Variants in RIMBP2 observed in about 807,000 individuals in gnomAD.
The protein encoded by RIMBP2 is RIMS binding protein 2, also known as RIMS-binding protein 2.
RIMBP2 carries 48 observed loss-of-function variants against 118.6 expected under a neutral mutation model. The observed-to-expected ratio is 0.40, with a 90% CI of 0.32 to 0.51. RIMBP2 has a LOEUF of 0.51. Among genes scored for constraint, RIMBP2 ranks in the 20% least tolerant of loss-of-function variants. RIMBP2 has a pLI of 0.41. For missense variants in RIMBP2, 1,551 were observed against 1,768.3 expected (o/e 0.88, Z 2.20); for synonymous variants, 762 against 742.9 (o/e 1.03, Z -0.42).
chr12:130,550,362 A>G lies in RIMBP2; in HGVS notation c.-216-32445T>C, dbSNP rs552354928. Among the ~76,000 whole-genome samples the G allele has an allele frequency of 2.3e-4, 35 of 152,360 alleles. 1 individual carries two copies. In the South Asian group the frequency reaches 6.8e-3, roughly 30 times the overall value. On this transcript the variant is annotated intron_variant, in intron 2 of 22. Transcript: ENST00000690449. ...AAAGCTTTCTCCTGAAAACATAAAG[A>G]CAGCCCAGGAACATTTTTATTTGAA...
intron 17 of RIMBP2, among the ~76,000 whole-genome samples, chr12:130,417,307 T>C (rs1474094611): frequency 6.6e-6 from 1 of 152,192 alleles, no homozygotes; most frequent in Non-Finnish European, 1.5e-5. Flanking sequence ...ATCGCAGCAC[T>C]GTTCACAATA....
At chr12:130,601,142 T>G (rs1203854324) in intron 2 of RIMBP2, among the ~76,000 whole-genome samples, 1 of 151,988 alleles carries the variant, frequency 6.6e-6, no homozygotes, top group Non-Finnish European at 1.5e-5. Flanking sequence ...TGGTTAACAC[T>G]CTTACTGACA....
chr12:130,576,719 G>A lies in RIMBP2; in HGVS notation c.-217+51603C>T, dbSNP rs1297725671. On this transcript the variant is annotated intron_variant, in intron 2 of 22. Coordinates refer to ENST00000690449, the MANE Select transcript of RIMBP2 (RefSeq NM_001393629.1). This position sits in a 1 kb window ranked among gnomAD's most constrained non-coding sequence, Gnocchi z 4.2. The stretch of plus-strand genomic sequence containing the variant: ...AAACTGCCAGCAGCAGCGAGGAGGA[G>A]CCCCGCCGAGCGCCGAGAGGCATAT... 1.3e-5 allele frequency among the ~76,000 whole-genome samples: 2 copies of A among 152,200 alleles called. No individual in the cohort carries two copies. The highest frequency in any genetic ancestry group is 2.4e-5 in the African/African-American group (1 of 41,468).
At chr12:130,405,786 T>TG (rs3047793) in intron 21 of RIMBP2, among the ~76,000 whole-genome samples, 6 of 151,862 alleles carry the variant, frequency 4.0e-5, no homozygotes, top group African/African-American at 1.5e-4. Context: ...TGTTTTGTTT[T>TG]TGCTTATTTG....
At chr12:130,701,672 C>A (rs887943272) in intron 1 of RIMBP2, among the ~76,000 whole-genome samples, 5 of 152,098 alleles carry the variant, frequency 3.3e-5, no homozygotes, top group Non-Finnish European at 7.3e-5. Flanking sequence ...CCCCTCAAAG[C>A]CATGGGACAC....
chr12:130,657,349 G>A (rs939822949), intron 1 of RIMBP2, among the ~76,000 whole-genome samples: 1 of 152,168 alleles, frequency 6.6e-6, no homozygotes, highest in Admixed American at 6.5e-5. Flanking sequence ...TTGTGGGATG[G>A]GAGGGCCACA....
chr12:130,580,219 T>C (rs1049058480), intron 2 of RIMBP2, among the ~76,000 whole-genome samples: 3 of 151,480 alleles, frequency 2.0e-5, no homozygotes, highest in African/African-American at 7.3e-5. Context: ...AAAAGTAATA[T>C]TGACCCCATA....
chr12:130,514,459 C>T (rs773128502), intron 3 of RIMBP2, among the ~76,000 whole-genome samples: 5 of 152,270 alleles, frequency 3.3e-5, no homozygotes, highest in East Asian at 3.8e-4. Flanking sequence ...CCCCCACCTC[C>T]GCCGGCCCTT....
intron 1 of RIMBP2, chr12:130,651,544 C>T (rs67889898): frequency 0.095 from 14,423 of 152,290 alleles, 839 homozygotes; most frequent in Non-Finnish European, 0.13. Flanking sequence ...CTGCCCACGG[C>T]ACAGCCGTCC....
chr12:130,488,417 T>A (rs2082660370), intron 4 of RIMBP2, among the ~76,000 whole-genome samples: 1 of 151,460 alleles, frequency 6.6e-6, no homozygotes, highest in African/African-American at 2.4e-5. Flanking sequence ...GATAGCTCAG[T>A]CAGGGGGTGG....
Position 130,581,301 on chromosome 12 carries a change from A to AT in RIMBP2, c.-217+47020_-217+47021insA, listed in dbSNP as rs150347310. 0.1 allele frequency among the ~76,000 whole-genome samples: 15,135 copies of AT among 152,058 alleles called. 903 individuals are homozygous for AT. Among genetic ancestry groups the AT allele is most frequent in the African/African-American group, 0.17 (7,123 of 41,420 alleles). ...CAGGGTGGGGGGCGTGGATCTGGTG[A>AT]GCTGAAGCCCACACAGGGGCCCCAT... On this transcript the variant is annotated intron_variant, in intron 2 of 22. Coordinates refer to ENST00000690449, the MANE Select transcript of RIMBP2 (RefSeq NM_001393629.1). The surrounding 1 kb of genome is among the most constrained non-coding windows in gnomAD (Gnocchi z 4.4).
At chr12:130,632,180 G>T (rs756802759) in intron 1 of RIMBP2, among the ~76,000 whole-genome samples, 73 of 152,164 alleles carry the variant, frequency 4.8e-4, no homozygotes, top group Admixed American at 3.2e-3. Flanking sequence ...AACAAATCAA[G>T]GCAGACACCT....
intron 14 of RIMBP2, among the ~76,000 whole-genome samples, chr12:130,433,722 T>TTC (rs1316534804): frequency 6.6e-6 from 1 of 152,118 alleles, no homozygotes; most frequent in Admixed American, 6.6e-5. Flanking sequence ...TCTTGGGGTG[T>TTC]TCTCATAGGA....
Position 130,446,048 on chromosome 12 carries a change from G to A in RIMBP2, c.582-779C>T, listed in dbSNP as rs2078501278. Among the ~76,000 whole-genome samples the A allele has an allele frequency of 7.1e-6, 1 of 141,690 alleles. No homozygotes were observed. The highest frequency in any genetic ancestry group is 7.6e-5 in the Admixed American group (1 of 13,094). The allele number at this position is 141,690 out of a possible 152,430, so 93.0% of individuals were successfully genotyped here. On this transcript the variant is annotated intron_variant, in intron 9 of 22. Transcript: ENST00000690449. This position sits in a 1 kb window ranked among gnomAD's most constrained non-coding sequence, Gnocchi z 4.1. ...CCCCCCCACACCCCCAGGAATATAAGAGTATCCATATTCTCCAGTCCTCAA... is the reference window on the plus strand; with the variant it reads ...CCCCCCCACACCCCCAGGAATATAAAAGTATCCATATTCTCCAGTCCTCAA...
chr12:130,683,369 C>T lies in RIMBP2; in HGVS notation c.-352+32853G>A, dbSNP rs1413420741. Among the ~76,000 whole-genome samples the T allele has an allele frequency of 6.6e-6, 1 of 152,222 alleles. No individual in the cohort carries two copies. The highest frequency in any genetic ancestry group is 1.9e-4 in the East Asian group (1 of 5,194). ...CTGCGGACACCCTGACCTCAGGCTT[C>T]CAGCCTCCAGAGCTGCGAGAGGATG... On this transcript the variant is annotated intron_variant, in intron 1 of 22. Transcript: ENST00000690449. The surrounding 1 kb of genome is among the most constrained non-coding windows in gnomAD (Gnocchi z 4.4).
At chr12:130,451,405 C>T (rs1406443360) in intron 7 of RIMBP2, 65 bp from the exon 8 acceptor site, 1 of 1,519,272 alleles carries the variant, frequency 6.6e-7, no homozygotes, top group Non-Finnish European at 8.9e-7. Context: ...GCACGTTGGT[C>T]ATGCGCCTAC....
Position 130,573,343 on chromosome 12 carries a change from A to G in RIMBP2, c.-217+54979T>C, listed in dbSNP as rs561782430. Among the ~76,000 whole-genome samples the G allele has an allele frequency of 2.6e-5, 4 of 152,174 alleles. No homozygotes were observed. The South Asian group carries it at 8.3e-4, about 32-fold the overall frequency. On this transcript the variant is annotated intron_variant, in intron 2 of 22. Transcript: ENST00000690449. ...TAGGATCAGAGGTCAATATTTTTAA[A>G]TGTTCTTTACTGTTAGTATGATACT...
rs2077543405 is a variant in RIMBP2 at position 130,436,722 on chromosome 12, C to T, written c.2106+120G>A. On this transcript the variant is annotated intron_variant, in intron 13 of 22. Transcript: ENST00000690449. ...CACCAGCAAAGCGGTGGGCTGAGCG[C>T]GGCCCCCCTCCCTGCAAGCTGGGAT... 15 of 750,902 alleles carry T rather than the reference C, an allele frequency of 2.0e-5. No individual in the cohort carries two copies. The East Asian group carries it at 2.0e-4, about 10-fold the overall frequency. 46.5% of individuals were successfully genotyped at this position (750,902 alleles called of 1,614,324 possible).
chr12:130,511,542 C>T lies in RIMBP2; in HGVS notation c.-126-4772G>A, dbSNP rs2050911221. Among the ~76,000 whole-genome samples the T allele has an allele frequency of 6.6e-6, 1 of 152,232 alleles. No individual in the cohort carries two copies. Among genetic ancestry groups the T allele is most frequent in the Admixed American group, 6.5e-5 (1 of 15,288 alleles). ...AGGTTTGTCACTTCCTCTACTGGTACAGCCCCCAGGGCTTCAGTCACCCCA... is the reference window on the plus strand; with the variant it reads ...AGGTTTGTCACTTCCTCTACTGGTATAGCCCCCAGGGCTTCAGTCACCCCA... On this transcript the variant is annotated intron_variant, in intron 3 of 22. Transcript: ENST00000690449. This position sits in a 1 kb window ranked among gnomAD's most constrained non-coding sequence, Gnocchi z 4.3.
Sources: gnomAD v4.1 joint callset for allele counts (sites outside exome capture counted in the v4.1 genomes callset) on GRCh38, gnomAD v4.1.1 for gene constraint, Gnocchi (gnomAD v3.1) non-coding constraint, MANE v1.5 for transcripts, NCBI Gene and HGNC (gene_info 2026-07-23, HGNC 2026-07-21) for gene names.